C12orf42: variants seen among roughly 807,000 people sequenced by gnomAD.
C12orf42 encodes the protein chromosome 12 open reading frame 42.
C12orf42 carries 25 observed loss-of-function variants against 21.6 expected under a neutral mutation model. That is an observed-to-expected ratio of 1.16 (90% CI 0.84 to 1.62). The LOEUF (loss-of-function observed/expected upper bound fraction) is 1.62. Ranked by LOEUF, C12orf42 falls within the 40% of genes most tolerant of loss-of-function variation. C12orf42 has a pLI of 0.00. For synonymous variants in C12orf42, 174 were observed against 175.0 expected, an observed-to-expected ratio of 0.99 and a Z score of 0.05; for missense variants, 483 against 459.3, an observed-to-expected ratio of 1.05 and a Z score of -0.47.
chr12:103,118,507 A>G, the C12orf42 span, among the ~76,000 whole-genome samples: 4 of 152,116 alleles, frequency 2.6e-5, no homozygotes, highest in African/African-American at 9.7e-5. Flanking sequence ...CTATGAAAAT[A>G]CTAGCTTTTG....
At chr12:103,379,309 C>T (rs1237439146) in intron 3 of C12orf42, among the ~76,000 whole-genome samples, 1 of 152,142 alleles carries the variant, frequency 6.6e-6, no homozygotes, top group Non-Finnish European at 1.5e-5. Context: ...TTATCTGCCT[C>T]CCTCAGACAC....
chr12:103,518,055 A>G, the C12orf42 span, among the ~76,000 whole-genome samples: 2 of 152,196 alleles, frequency 1.3e-5, no homozygotes, highest in Non-Finnish European at 2.9e-5. Flanking sequence ...AAGGCCCAGC[A>G]GAAATTAAAA....
chr12:103,279,880 T>C (rs1212046864), intron 4 of C12orf42, among the ~76,000 whole-genome samples: 1 of 152,198 alleles, frequency 6.6e-6, no homozygotes, highest in African/African-American at 2.4e-5. Flanking sequence ...GGTTTTCTGC[T>C]TTCATGGTGC....
the C12orf42 span, among the ~76,000 whole-genome samples, chr12:103,110,877 A>G: frequency 1.2e-4 from 18 of 152,240 alleles, no homozygotes; most frequent in African/African-American, 4.1e-4. Flanking sequence ...TTAGTCATCT[A>G]TAGTAAATAT....
At chr12:103,315,286 A>C (rs2039350283) in intron 4 of C12orf42, among the ~76,000 whole-genome samples, 1 of 152,236 alleles carries the variant, frequency 6.6e-6, no homozygotes, top group Admixed American at 6.5e-5. Context: ...TTTTCAAATA[A>C]AGAATTTAAA....
the C12orf42 span, among the ~76,000 whole-genome samples, chr12:103,139,031 T>C: frequency 6.6e-6 from 1 of 152,200 alleles, no homozygotes; most frequent in Non-Finnish European, 1.5e-5. Context: ...AACAGTGCCC[T>C]TGTCTTGTGT....
chr12:103,119,039 C>A, the C12orf42 span, among the ~76,000 whole-genome samples: 2 of 152,000 alleles, frequency 1.3e-5, no homozygotes, highest in African/African-American at 4.8e-5. Flanking sequence ...AATGTTTTGT[C>A]TTAGACAATT....
intron 2 of C12orf42, among the ~76,000 whole-genome samples, chr12:103,434,303 A>T (rs1231716127): frequency 1.3e-5 from 2 of 152,194 alleles, no homozygotes; most frequent in African/African-American, 4.8e-5. Context: ...GCCCTGGGTC[A>T]CATGCCTGCC....
chr12:103,189,973 A>G, the C12orf42 span, among the ~76,000 whole-genome samples: 1 of 150,870 alleles, frequency 6.6e-6, no homozygotes, highest in Non-Finnish European at 1.5e-5. Flanking sequence ...ATACATGTGT[A>G]TATATATATA....
At chr12:103,399,834 G>A (rs1278988151) in intron 3 of C12orf42, among the ~76,000 whole-genome samples, 3 of 152,038 alleles carry the variant, frequency 2.0e-5, no homozygotes, top group Non-Finnish European at 2.9e-5. Flanking sequence ...CACAGAGACA[G>A]AGACACGCAA....
At chr12:103,347,152 C>T (rs2042693025) in intron 4 of C12orf42, among the ~76,000 whole-genome samples, 1 of 152,144 alleles carries the variant, frequency 6.6e-6, no homozygotes, top group Non-Finnish European at 1.5e-5. Flanking sequence ...TGGTTGGCTG[C>T]ACCCATCAAC....
At chr12:103,091,058 G>C in the C12orf42 span, among the ~76,000 whole-genome samples, 8 of 151,746 alleles carry the variant, frequency 5.3e-5, no homozygotes, top group African/African-American at 1.7e-4. Flanking sequence ...AGTATTAGGA[G>C]AGCTAATTTA....
intron 4 of C12orf42, among the ~76,000 whole-genome samples, chr12:103,350,787 A>C (rs1283414625): frequency 6.6e-6 from 1 of 151,994 alleles, no homozygotes; most frequent in Non-Finnish European, 1.5e-5. Flanking sequence ...CTCTCAGTCC[A>C]TTTTCTCTCT....
chr12:103,124,038 C>T, the C12orf42 span, among the ~76,000 whole-genome samples: 3 of 151,726 alleles, frequency 2.0e-5, no homozygotes, highest in African/African-American at 7.3e-5. Context: ...GTGGTTGAAA[C>T]TCTTACCCTG....
At chr12:103,520,693 GAAAA>G in the C12orf42 span, among the ~76,000 whole-genome samples, 1 of 147,966 alleles carries the variant, frequency 6.8e-6, no homozygotes, top group Non-Finnish European at 1.5e-5. Context: ...AAAACATAAT[GAAAA>G]AAAAAATAAA....
At chr12:103,199,121 C>T in the C12orf42 span, among the ~76,000 whole-genome samples, 1 of 151,946 alleles carries the variant, frequency 6.6e-6, no homozygotes, top group Non-Finnish European at 1.5e-5. Flanking sequence ...GACATATAAA[C>T]CAATGGGACA....
chr12:103,375,772 C>T (rs1389273294), intron 3 of C12orf42, among the ~76,000 whole-genome samples: 1 of 152,082 alleles, frequency 6.6e-6, no homozygotes, highest in Non-Finnish European at 1.5e-5. Context: ...CACTGGGCTC[C>T]ACAAATTATG....
At chr12:103,435,253 A>G (rs1950600940) in intron 2 of C12orf42, among the ~76,000 whole-genome samples, 1 of 152,182 alleles carries the variant, frequency 6.6e-6, no homozygotes, top group African/African-American at 2.4e-5. Context: ...CCATCTGTAC[A>G]TCACCATCAT....
the C12orf42 span, among the ~76,000 whole-genome samples, chr12:103,049,696 T>C: frequency 6.6e-6 from 1 of 152,266 alleles, no homozygotes; most frequent in Non-Finnish European, 1.5e-5. Flanking sequence ...TCTCTTTTAG[T>C]CACAGTGCCT....
Sources: allele counts gnomAD v4.1 joint callset (sites outside exome capture counted in the v4.1 genomes callset), GRCh38; gene constraint gnomAD v4.1.1; transcripts MANE v1.5; gene names NCBI Gene and HGNC (gene_info 2026-07-23, HGNC 2026-07-21).